UBE2E2: variants seen among roughly 807,000 people sequenced by gnomAD.
The protein encoded by UBE2E2 is ubiquitin-conjugating enzyme E2 E2.
In UBE2E2, 6 loss-of-function variants were observed where a neutral mutation model predicts 24.7. The observed-to-expected ratio is 0.24, with a 90% confidence interval of 0.13 to 0.48. The LOEUF (loss-of-function observed/expected upper bound fraction) is 0.48, where lower values mean the gene tolerates loss of function less well. UBE2E2 is among the 20% of genes least tolerant of loss of function. UBE2E2 has a pLI of 0.99. For missense variants in UBE2E2, 169 were observed against 245.0 expected, an observed-to-expected ratio of 0.69 and a Z score of 2.07; for synonymous variants, 104 against 83.6, an observed-to-expected ratio of 1.24 and a Z score of -1.33.
intron 3 of UBE2E2, among the ~76,000 whole-genome samples, chr3:23,290,877 G>A: frequency 7.3e-6 from 1 of 136,392 alleles, no homozygotes. Context: ...CAACATAGCA[G>A]GACTGTGTGT....
intron 3 of UBE2E2, among the ~76,000 whole-genome samples, chr3:23,364,109 T>C (rs1696197263): frequency 6.6e-6 from 1 of 151,918 alleles, no homozygotes; most frequent in African/African-American, 2.4e-5. Context: ...GGGGCACAAC[T>C]AAAGCAGTAT....
At chr3:23,514,847 A>G (rs1404476800) in intron 4 of UBE2E2, among the ~76,000 whole-genome samples, 1 of 152,186 alleles carries the variant, frequency 6.6e-6, no homozygotes, top group Admixed American at 6.5e-5. Context: ...TAATAAAAGT[A>G]TACTAATGAA....
intron 5 of UBE2E2, among the ~76,000 whole-genome samples, chr3:23,558,952 A>T (rs1232106103): frequency 6.6e-6 from 1 of 152,174 alleles, no homozygotes; most frequent in East Asian, 1.9e-4. Context: ...TTGTATAGAC[A>T]CCTTTATTCC....
chr3:23,561,736 CTT>C (rs1315529873), intron 5 of UBE2E2, among the ~76,000 whole-genome samples: 1 of 152,150 alleles, frequency 6.6e-6, no homozygotes, highest in Non-Finnish European at 1.5e-5. Context: ...TTTGTGTCCT[CTT>C]TTATTTCATT....
intron 3 of UBE2E2, among the ~76,000 whole-genome samples, chr3:23,249,091 C>T (rs983140285): frequency 2.0e-5 from 3 of 151,838 alleles, no homozygotes; most frequent in Non-Finnish European, 2.9e-5. Flanking sequence ...GGCAACATGG[C>T]GAAACCTTGT....
intron 3 of UBE2E2, among the ~76,000 whole-genome samples, chr3:23,303,995 G>A (rs1699176905): frequency 6.6e-6 from 1 of 152,162 alleles, no homozygotes; most frequent in Non-Finnish European, 1.5e-5. Context: ...AGGGCACTGG[G>A]CTTTAGCACA....
intron 3 of UBE2E2, among the ~76,000 whole-genome samples, chr3:23,456,058 A>G (rs1289243399): frequency 1.3e-5 from 2 of 152,224 alleles, no homozygotes; most frequent in Admixed American, 6.5e-5. Flanking sequence ...TGACATTGCA[A>G]CAGTGTTCAT....
chr3:23,357,806 C>G (rs1040258475), intron 3 of UBE2E2, among the ~76,000 whole-genome samples: 1 of 151,964 alleles, frequency 6.6e-6, no homozygotes, highest in Non-Finnish European at 1.5e-5. Flanking sequence ...AAAAATTCTT[C>G]TGAAATTGGT....
rs35788274 is a variant in UBE2E2, at chr3:23,509,391, GA to G, written c.360+9658del. On this transcript the variant is annotated intron_variant, in intron 4 of 5. Transcript: ENST00000396703. Reference sequence around the variant, plus strand: ...GGGGAAATAATATTCTACGTGTGATGAAAAAAAGTATAATATTCTCCACTTT... The same window carrying G: ...GGGGAAATAATATTCTACGTGTGATGAAAAAAGTATAATATTCTCCACTTT... Among the ~76,000 whole-genome samples, 25 of 151,878 alleles carry G rather than the reference GA, an allele frequency of 1.6e-4. 1 individual carries two copies. The highest frequency in any genetic ancestry group is 1.2e-4 in the African/African-American group (5 of 41,376).
intron 3 of UBE2E2, among the ~76,000 whole-genome samples, chr3:23,475,949 C>A (rs1699124965): frequency 6.6e-6 from 1 of 152,066 alleles, no homozygotes; most frequent in Non-Finnish European, 1.5e-5. Flanking sequence ...AATCAGGAGG[C>A]CTTCACAGGA....
intron 3 of UBE2E2, among the ~76,000 whole-genome samples, chr3:23,251,025 A>T (rs1022433885): frequency 2.0e-5 from 3 of 152,066 alleles, no homozygotes; most frequent in Admixed American, 1.3e-4. Flanking sequence ...GCTTCTAATT[A>T]AAAAAAGATT....
At chr3:23,569,823 G>A (rs1257821745) in intron 5 of UBE2E2, among the ~76,000 whole-genome samples, 5 of 152,056 alleles carry the variant, frequency 3.3e-5, no homozygotes, top group Non-Finnish European at 7.4e-5. Flanking sequence ...AGACTTACAG[G>A]CTGAGTTTTT....
At chr3:23,283,613 G>A (rs1698534583) in intron 3 of UBE2E2, among the ~76,000 whole-genome samples, 1 of 152,088 alleles carries the variant, frequency 6.6e-6, no homozygotes, top group African/African-American at 2.4e-5. Context: ...TATAGTCTCA[G>A]CAGATGTGTG....
intron 3 of UBE2E2, among the ~76,000 whole-genome samples, chr3:23,396,816 A>G (rs1487532354): frequency 6.6e-6 from 1 of 151,962 alleles, no homozygotes; most frequent in African/African-American, 2.4e-5. Context: ...TCTTAAGAAC[A>G]AAAAAAATAT....
chr3:23,206,706 C>G (rs188615384), intron 1 of UBE2E2, among the ~76,000 whole-genome samples: 2 of 152,104 alleles, frequency 1.3e-5, no homozygotes, highest in Non-Finnish European at 2.9e-5. Flanking sequence ...GTTTGTCTTA[C>G]AAAAATTTCA....
chr3:23,382,877 C>A (rs748117938), intron 3 of UBE2E2, among the ~76,000 whole-genome samples: 2 of 151,642 alleles, frequency 1.3e-5, no homozygotes, highest in Non-Finnish European at 2.9e-5. Context: ...TTTTAAAAAT[C>A]AAATTGTGAA....
rs1479618679 is a variant in UBE2E2, at chr3:23,379,246, TA to T, written c.228-120361del. On this transcript the variant is annotated intron_variant, in intron 3 of 5. Coordinates refer to ENST00000396703, the MANE Select transcript of UBE2E2 (RefSeq NM_152653.4). ...TATGTATTTATTTATTTTTTTATTT[TA>T]TTTTTTTTTATTATACTTTAAGTTT... Among the ~76,000 whole-genome samples the T allele has an allele frequency of 2.4e-4, 26 of 109,658 alleles. No individual in the cohort carries two copies. The South Asian group carries it at 2.6e-3, about 11-fold the overall frequency. The allele number at this position is 109,658 out of a possible 152,430, so 71.9% of individuals were successfully genotyped here. A position where few individuals can be genotyped will look rare whatever the true frequency, so the allele number is the denominator to read the frequency against.
At chr3:23,514,724 G>A (rs547689193) in intron 4 of UBE2E2, among the ~76,000 whole-genome samples, 2 of 152,136 alleles carry the variant, frequency 1.3e-5, no homozygotes, top group Admixed American at 6.6e-5. Context: ...ATCAAGCTGA[G>A]ACAAGGAGAA....
intron 3 of UBE2E2, among the ~76,000 whole-genome samples, chr3:23,298,982 C>T (rs532189442): frequency 2.2e-4 from 34 of 152,190 alleles, no homozygotes; most frequent in Admixed American, 3.9e-4. Flanking sequence ...TATTGGTCTA[C>T]TCAGAGATTC....
Sources: allele counts gnomAD v4.1 joint callset (sites outside exome capture counted in the v4.1 genomes callset), GRCh38; gene constraint gnomAD v4.1.1; transcripts MANE v1.5; gene names NCBI Gene and HGNC (gene_info 2026-07-23, HGNC 2026-07-21).